The following ADAMTS4 variants were observed in gnomAD, a reference collection of about 807,000 sequenced individuals.
ADAMTS4 encodes ADAM metallopeptidase with thrombospondin type 1 motif 4, also known as A disintegrin and metalloproteinase with thrombospondin motifs 4.
A neutral mutation model predicts 66.7 loss-of-function variants in ADAMTS4; 38 were observed. The observed-to-expected ratio is 0.57, with a 90% CI of 0.44 to 0.75. ADAMTS4 has a LOEUF of 0.75. ADAMTS4 is among the 30% of genes least tolerant of loss of function. The pLI is 0.00. For synonymous variants in ADAMTS4, 418 were observed against 461.5 expected (o/e 0.91, Z 1.21); for missense variants, 1,014 against 1,116.7 (o/e 0.91, Z 1.31).
chr1:161,197,879 A>G, intron 1 of ADAMTS4, 116 bp downstream of exon 1: 1 of 1,438,652 alleles, frequency 7.0e-7, no homozygotes, highest in South Asian at 1.5e-5. Context: ...AGGCAGGCAG[A>G]AGGGAGGGAA....
In ADAMTS4 at chr1:161,190,584, C is replaced by G. The variant is rs1193322570; in HGVS notation, c.*554G>C. On this transcript the variant is annotated 3_prime_UTR_variant, in exon 9 of 9. Coordinates refer to ENST00000367996, the MANE Select transcript of ADAMTS4 (RefSeq NM_005099.6). ...CTCACTCCCTGAAGGCCCACCCTACCCTTGACTTTTCTTTTCCCAAAAAAT... is the reference window on the plus strand; with the variant it reads ...CTCACTCCCTGAAGGCCCACCCTACGCTTGACTTTTCTTTTCCCAAAAAAT... 1 of 151,828 alleles carries G rather than the reference C, an allele frequency of 6.6e-6. No homozygotes were observed. Among genetic ancestry groups the G allele is most frequent in the Admixed American group, 6.6e-5 (1 of 15,224 alleles). The allele number at this position is 151,828 out of a possible 1,614,324, so 9.4% of individuals were successfully genotyped here.
Position 161,194,311 on chromosome 1 carries a change from A to G in ADAMTS4, c.1262-90T>C, listed in dbSNP as rs1664762138. 7.8e-7 allele frequency: 1 copy of G among 1,287,686 alleles called. No homozygotes were observed. Among genetic ancestry groups the G allele is most frequent in the South Asian group, 1.4e-5 (1 of 71,414 alleles). The allele number at this position is 1,287,686 out of a possible 1,614,324, so 79.8% of individuals were successfully genotyped here. ...GAAAGCTTAGGCTCCCTGGGGCCTGATGGAGCCTAGAAAAACAATCCTAGG... is the reference window on the plus strand; with the variant it reads ...GAAAGCTTAGGCTCCCTGGGGCCTGGTGGAGCCTAGAAAAACAATCCTAGG... On this transcript the variant is annotated intron_variant, in intron 4 of 8. Coordinates refer to ENST00000367996, the MANE Select transcript of ADAMTS4 (RefSeq NM_005099.6). This position sits in a 1 kb window ranked among gnomAD's most constrained non-coding sequence, Gnocchi z 4.1.
In ADAMTS4 at chr1:161,198,316, G is replaced by A. The variant is rs750840569; in HGVS notation, c.312C>T (p.Val104=). The change falls in exon 1 of 9, where the codon GTC becomes GTT. Residue 104 remains valine, a synonymous_variant. Coordinates refer to ENST00000367996, the MANE Select transcript of ADAMTS4 (RefSeq NM_005099.6). The surrounding 1 kb of genome is among the most constrained non-coding windows in gnomAD (Gnocchi z 4.7). ...CCAGGTACTGCACTGTCAGCCCCTC[G>A]ACCTGCACACCGGAGTCCTGCTCCA... ...LELEQDSGVQ[V]EGLTVQYLGQ... is the part of the protein sequence containing the mutation. 15 of 1,613,328 alleles carry A rather than the reference G, an allele frequency of 9.3e-6. No homozygotes were observed. The South Asian group carries it at 1.1e-4, about 12-fold the overall frequency.
chr1:161,195,760 C>A, intron 3 of ADAMTS4, 125 bp from the exon 4 acceptor site: 1 of 938,602 alleles, frequency 1.1e-6, no homozygotes, highest in Admixed American at 2.9e-5. Flanking sequence ...TGCCCCCAGT[C>A]CTTTCCTTTA....
At chr1:161,195,854 C>T in intron 3 of ADAMTS4, 1 of 577,924 alleles carries the variant, frequency 1.7e-6, no homozygotes, top group Non-Finnish European at 2.9e-6. Flanking sequence ...TCCCTCCCTA[C>T]CCACTTTTCC....
At position 161,191,206 on chromosome 1, in the gene ADAMTS4, C is replaced by T; in HGVS notation, c.2446G>A (p.Asp816Asn). 1 of 1,609,828 alleles carries T rather than the reference C, an allele frequency of 6.2e-7. No homozygotes were observed. Among genetic ancestry groups the T allele is most frequent in the Non-Finnish European group, 8.5e-7 (1 of 1,177,222 alleles). Residue 816 changes from aspartate (D) to asparagine (N), a missense_variant, in exon 9 of 9, where the codon GAC becomes AAC. Physicochemically the swap from Asp to Asn is conservative, Grantham distance 23 (BLOSUM62 1). Coordinates refer to ENST00000367996, the MANE Select transcript of ADAMTS4 (RefSeq NM_005099.6). ...ATCTGTGCTCTTCGGTGCAGCCAGT[C>T]CTGGGGAGTGGGGCGTGGCGTTGAA... ...TPSTPRPTPQ[D>N]WLHRRAQILE...
At position 161,193,578 on chromosome 1, in the gene ADAMTS4, AG is replaced by A; in HGVS notation, c.1735+61del. The A allele has an allele frequency of 1.3e-6, 2 of 1,555,014 alleles. No individual in the cohort carries two copies. The highest frequency in any genetic ancestry group is 1.7e-6 in the Non-Finnish European group (2 of 1,148,800). Reference sequence around the variant, plus strand: ...CAACACCCCCTTGGTCTTGCACTCAAGGGACAGTCCTTCCTGCTCTACTGTC... The same window carrying A: ...CAACACCCCCTTGGTCTTGCACTCAAGGACAGTCCTTCCTGCTCTACTGTC... On this transcript the variant is annotated intron_variant, in intron 6 of 8. Coordinates refer to ENST00000367996, the MANE Select transcript of ADAMTS4 (RefSeq NM_005099.6). The surrounding 1 kb of genome is among the most constrained non-coding windows in gnomAD (Gnocchi z 4.4).
At position 161,194,211 on chromosome 1, in the gene ADAMTS4, G is replaced by C; in HGVS notation, c.1272C>G (p.Leu424=). 1 of 1,612,986 alleles carries C rather than the reference G, an allele frequency of 6.2e-7. No individual in the cohort carries two copies. Among genetic ancestry groups the C allele is most frequent in the Middle Eastern group, 1.6e-4 (1 of 6,062 alleles). The change falls in exon 5 of 9, where the codon CTC becomes CTG. Residue 424 remains leucine, a synonymous_variant. Coordinates refer to ENST00000367996, the MANE Select transcript of ADAMTS4 (RefSeq NM_005099.6). This position sits in a 1 kb window ranked among gnomAD's most constrained non-coding sequence, Gnocchi z 4.1. ...DFLDNGYGHC[L]LDKPEAPLHL... is the part of the protein sequence containing the mutation. ...GCAATGGAGCCTCTGGTTTGTCTAA[G>C]AGACAGTGCCCTGGGAAGGGGGTTG...
At position 161,193,070 on chromosome 1, in the gene ADAMTS4, A is replaced by ATAAG. The variant is rs551173973; in HGVS notation, c.1911+139_1911+142dup. The ATAAG allele has an allele frequency of 8.8e-6, 8 of 913,208 alleles. No individual in the cohort carries two copies. The South Asian group carries it at 1.4e-4, about 17-fold the overall frequency. 56.6% of individuals were successfully genotyped at this position (913,208 alleles called of 1,614,324 possible). On this transcript the variant is annotated intron_variant, in intron 7 of 8. Transcript: ENST00000367996. The surrounding 1 kb of genome is among the most constrained non-coding windows in gnomAD (Gnocchi z 4.4). ...TCGTTTTCCTGATACCCATGTACAG[A>ATAAG]TAAGTCTGAGTGGAATCCTGGACTG... is the stretch of plus-strand genomic sequence containing the variant.
Position 161,184,421 on chromosome 1 carries a change from G to A in ADAMTS4, c.*6717C>T, listed in dbSNP as rs898707074. On this transcript the variant is annotated 3_prime_UTR_variant, in exon 9 of 9. Coordinates refer to ENST00000367996, the MANE Select transcript of ADAMTS4 (RefSeq NM_005099.6). The stretch of plus-strand genomic sequence containing the variant: ...CTATAAGGCAGGTAATAGTACAAAC[G>A]TTTTGTAGGTAAGGAAACTGAGGTT... The A allele has an allele frequency of 3.3e-5, 5 of 152,144 alleles. No homozygotes were observed. The highest frequency in any genetic ancestry group is 1.3e-4 in the Admixed American group (2 of 15,268). 9.4% of individuals were successfully genotyped at this position (152,144 alleles called of 1,614,324 possible).
In ADAMTS4 at chr1:161,191,058, A is replaced by C. The variant is rs1664660734; in HGVS notation, c.*80T>G. On this transcript the variant is annotated 3_prime_UTR_variant, in exon 9 of 9. Coordinates refer to ENST00000367996, the MANE Select transcript of ADAMTS4 (RefSeq NM_005099.6). ...CCCCTCCCCACTGAGTCTTAGCATG[A>C]GGCAGCAACAGAAGCTCTCTCTTTC... 19 of 1,446,776 alleles carry C rather than the reference A, an allele frequency of 1.3e-5. No homozygotes were observed. The highest frequency in any genetic ancestry group is 4.6e-5 in the Admixed American group (2 of 43,526). 89.6% of individuals were successfully genotyped at this position (1,446,776 alleles called of 1,614,324 possible).
rs757907655 is a variant in ADAMTS4 at position 161,195,579 on chromosome 1, G to T, written c.1147C>A (p.Pro383Thr). Residue 383 changes from proline (P) to threonine (T), a missense_variant, in exon 4 of 9, where the codon CCT becomes ACT. Pro to Thr is a conservative substitution (Grantham distance 38). Transcript: ENST00000367996. ...ATGACATGGCGAGAGGTGCTCAAAG[G>T]CCCATTCAAACTGATGCATGGCTTG... is the stretch of plus-strand genomic sequence containing the variant. ...NSKPCISLNG[P>T]LSTSRHVMAP... 9.9e-6 allele frequency: 16 copies of T among 1,613,788 alleles called. No homozygotes were observed. The highest frequency in any genetic ancestry group is 1.4e-5 in the Non-Finnish European group (16 of 1,179,920).
chr1:161,190,992 C>T lies in ADAMTS4; in HGVS notation c.*146G>A, dbSNP rs1038435908. On this transcript the variant is annotated 3_prime_UTR_variant, in exon 9 of 9. Transcript: ENST00000367996. Reference sequence around the variant, plus strand: ...AGGAAACCAGGGCAGGGCCAGCCTGCGCATTAGGGCAGAGAGGAGGGGCAG... The same window carrying T: ...AGGAAACCAGGGCAGGGCCAGCCTGTGCATTAGGGCAGAGAGGAGGGGCAG... The T allele has an allele frequency of 1.1e-5, 10 of 934,948 alleles. No individual in the cohort carries two copies. The East Asian group carries it at 1.8e-4, about 17-fold the overall frequency. The allele number at this position is 934,948 out of a possible 1,614,324, so 57.9% of individuals were successfully genotyped here. A position where few individuals can be genotyped will look rare whatever the true frequency, so the allele number is the denominator to read the frequency against.
chr1:161,194,071 C>G lies in ADAMTS4; in HGVS notation c.1412G>C (p.Trp471Ser). 6.2e-7 allele frequency: 1 copy of G among 1,614,210 alleles called. No individual in the cohort carries two copies. Among genetic ancestry groups the G allele is most frequent in the Non-Finnish European group, 8.5e-7 (1 of 1,180,040 alleles). ...PQLPPPCAAL[W>S]CSGHLNGHAM... The stretch of plus-strand genomic sequence containing the variant: ...ATGGCCATTGAGGTGGCCAGAGCAC[C>G]AGAGGGCAGCACAGGGCGGCGGCAG... Residue 471 changes from tryptophan to serine, a missense_variant, in exon 5 of 9, where the codon TGG becomes TCG. By Grantham distance (177) the Trp-to-Ser change is radical. Transcript: ENST00000367996. This position sits in a 1 kb window ranked among gnomAD's most constrained non-coding sequence, Gnocchi z 4.1.
Position 161,193,117 on chromosome 1 carries a change from AG to A in ADAMTS4, c.1911+95del. On this transcript the variant is annotated intron_variant, in intron 7 of 8. Transcript: ENST00000367996. This position sits in a 1 kb window ranked among gnomAD's most constrained non-coding sequence, Gnocchi z 4.4. The stretch of plus-strand genomic sequence containing the variant: ...ACTGGGCTGGCGTGGCTGTAGGAAC[AG>A]GGTTACTTTGGGTGATCTTTGTTAT... 1 of 1,378,352 alleles carries A rather than the reference AG, an allele frequency of 7.3e-7. No individual in the cohort carries two copies. Among genetic ancestry groups the A allele is most frequent in the Non-Finnish European group, 9.8e-7 (1 of 1,025,326 alleles). 85.4% of individuals were successfully genotyped at this position (1,378,352 alleles called of 1,614,324 possible).
In ADAMTS4 at chr1:161,191,366, G is replaced by A. The variant is rs750055404; in HGVS notation, c.2286C>T (p.Ser762=). 1.2e-5 allele frequency: 20 copies of A among 1,613,948 alleles called. No homozygotes were observed. Among genetic ancestry groups the A allele is most frequent in the Middle Eastern group, 1.6e-4 (1 of 6,062 alleles). Reference sequence around the variant, plus strand: ...GTGTCTCTGAGGCTGCAGTGGCCCCGCTGTAGCGCAAGCTGACTGCCCCAG... The same window carrying A: ...GTGTCTCTGAGGCTGCAGTGGCCCCACTGTAGCGCAAGCTGACTGCCCCAG... ...VLPGAVSLRY[S]GATAASETLS... Residue 762 remains serine (S), a synonymous_variant, in exon 9 of 9, where the codon AGC becomes AGT. Coordinates refer to ENST00000367996, the MANE Select transcript of ADAMTS4 (RefSeq NM_005099.6).
intron 1 of ADAMTS4, 34 bp from the exon 2 acceptor site, chr1:161,196,914 T>C (rs1206343472): frequency 6.5e-7 from 1 of 1,544,222 alleles, no homozygotes; most frequent in Non-Finnish European, 8.7e-7. Flanking sequence ...GATCCTGAAA[T>C]AGCCTCTCAG....
rs955219383 is a variant in ADAMTS4, at chr1:161,191,047, G to A, written c.*91C>T. ...CACGCCCACAGCCCCTCCCCACTGA[G>A]TCTTAGCATGAGGCAGCAACAGAAG... On this transcript the variant is annotated 3_prime_UTR_variant, in exon 9 of 9. Coordinates refer to ENST00000367996, the MANE Select transcript of ADAMTS4 (RefSeq NM_005099.6). 60 of 1,417,304 alleles carry A rather than the reference G, an allele frequency of 4.2e-5. No individual in the cohort carries two copies. The highest frequency in any genetic ancestry group is 3.2e-4 in the East Asian group (14 of 43,256). The allele number at this position is 1,417,304 out of a possible 1,614,324, so 87.8% of individuals were successfully genotyped here. A position where few individuals can be genotyped will look rare whatever the true frequency, so the allele number is the denominator to read the frequency against.
Position 161,193,940 on chromosome 1 carries a change from A to C in ADAMTS4, c.1543T>G (p.Phe515Val). 1 of 1,576,234 alleles carries C rather than the reference A, an allele frequency of 6.3e-7. No homozygotes were observed. Among genetic ancestry groups the C allele is most frequent in the Non-Finnish European group, 8.6e-7 (1 of 1,158,094 alleles). The change falls in exon 5 of 9, where the codon TTC (phenylalanine) becomes GTC (valine). Residue 515 changes from phenylalanine (F) to valine (V), a missense_variant. Physicochemically the swap from Phe to Val is conservative, Grantham distance 50. Coordinates refer to ENST00000367996, the MANE Select transcript of ADAMTS4 (RefSeq NM_005099.6). This position sits in a 1 kb window ranked among gnomAD's most constrained non-coding sequence, Gnocchi z 4.4. ...CCCCTGCCCTAGGATCTCACATTGA[A>C]GTCCTGGAGCTGGTCCATGTGGAGG... ...RCLHMDQLQD[F>V]NIPQAGGWGP...
Sources: gnomAD v4.1 joint callset for allele counts on GRCh38, gnomAD v4.1.1 for gene constraint, Gnocchi (gnomAD v3.1) non-coding constraint, MANE v1.5 for transcripts, NCBI Gene and HGNC (gene_info 2026-07-23, HGNC 2026-07-21) for gene names.